GALNT17: variants seen among roughly 807,000 people sequenced by gnomAD.
GALNT17 encodes UDP-GalNAc:polypeptide N-acetylgalactosaminyltransferase-like 3.
A neutral mutation model predicts 63.7 loss-of-function variants in GALNT17; 29 were observed. The observed-to-expected ratio is 0.46, with a 90% confidence interval of 0.34 to 0.62. The LOEUF is 0.62. GALNT17 is among the 20% of genes least tolerant of loss of function. The pLI, the probability that GALNT17 is intolerant of heterozygous loss-of-function variation, is 0.01. For missense variants in GALNT17, 603 were observed against 799.6 expected, an observed-to-expected ratio of 0.75 and a Z score of 2.97; for synonymous variants, 305 against 318.3, an observed-to-expected ratio of 0.96 and a Z score of 0.45.
At chr7:71,617,578 C>T (rs965668501) in intron 6 of GALNT17, among the ~76,000 whole-genome samples, 5 of 151,846 alleles carry the variant, frequency 3.3e-5, no homozygotes, top group Admixed American at 6.6e-5. Flanking sequence ...CCTTGGCCTC[C>T]CAAAGTGCCG....
At position 71,670,111 on chromosome 7, in the gene GALNT17, T is replaced by C; in HGVS notation, c.1404+2T>C. On this transcript the variant is annotated splice_donor_variant, in intron 8 of 10. Transcript: ENST00000333538. LOFTEE classifies it high-confidence loss of function. ...AATAATACCGTTGCTTACGGGGAGG[T>C]AATTCAGACCGTGCATGCTTTTGGC... 6.2e-7 allele frequency: 1 copy of C among 1,613,912 alleles called. No homozygotes were observed. Among genetic ancestry groups the C allele is most frequent in the Non-Finnish European group, 8.5e-7 (1 of 1,179,928 alleles).
intron 5 of GALNT17, among the ~76,000 whole-genome samples, chr7:71,542,112 C>G (rs977263065): frequency 5.5e-4 from 84 of 152,096 alleles, no homozygotes; most frequent in African/African-American, 1.8e-3. Context: ...AGGTGAATAA[C>G]CGCAATAGAA....
intron 5 of GALNT17, among the ~76,000 whole-genome samples, chr7:71,421,613 G>A (rs1490064160): frequency 6.6e-6 from 1 of 152,102 alleles, no homozygotes; most frequent in Non-Finnish European, 1.5e-5. Flanking sequence ...TCGGGATATG[G>A]AGATCAATAT....
intron 1 of GALNT17, among the ~76,000 whole-genome samples, chr7:71,221,141 CCCAGCCCTGGAGCCCCTAGT>C (rs761095225): frequency 7.9e-5 from 12 of 152,184 alleles, no homozygotes; most frequent in Admixed American, 3.9e-4. Context: ...TGCCTGGGAC[CCCAGCCCTGGAGCCCCTAGT>C]GGGAGGTACT....
chr7:71,546,998 C>CT (rs1369092370), intron 5 of GALNT17, among the ~76,000 whole-genome samples: 1 of 151,504 alleles, frequency 6.6e-6, no homozygotes, highest in Non-Finnish European at 1.5e-5. Context: ...TTTCTTTTTT[C>CT]TTTTTTTTCT....
chr7:71,132,492 A>C lies in GALNT17; in HGVS notation c.-311A>C, dbSNP rs1787698857. 1 of 300,026 alleles carries C rather than the reference A, an allele frequency of 3.3e-6. No individual in the cohort carries two copies. The highest frequency in any genetic ancestry group is 6.2e-6 in the Non-Finnish European group (1 of 162,368). The allele number at this position is 300,026 out of a possible 1,614,324, so 18.6% of individuals were successfully genotyped here. On this transcript the variant is annotated 5_prime_UTR_variant, in exon 1 of 11. Coordinates refer to ENST00000333538, the MANE Select transcript of GALNT17 (RefSeq NM_022479.3). ...AGAGGCGAACCACTTGCTGGTGCAGAAGAGAAACCCTCAAATCCCTGGCCT... is the reference window on the plus strand; with the variant it reads ...AGAGGCGAACCACTTGCTGGTGCAGCAGAGAAACCCTCAAATCCCTGGCCT...
At chr7:71,580,936 CAG>C (rs1262374556) in intron 6 of GALNT17, among the ~76,000 whole-genome samples, 11 of 152,200 alleles carry the variant, frequency 7.2e-5, no homozygotes, top group South Asian at 2.1e-4. Context: ...GTGTGATAGA[CAG>C]AGAGTGGTTG....
intron 2 of GALNT17, among the ~76,000 whole-genome samples, chr7:71,365,572 A>T (rs914853731): frequency 6.6e-6 from 1 of 151,788 alleles, no homozygotes; most frequent in African/African-American, 2.4e-5. Context: ...TGCATCCATC[A>T]CTCCCTCCAC....
In GALNT17 at chr7:71,518,043, C is replaced by A. The variant is rs190601803; in HGVS notation, c.963-53242C>A. On this transcript the variant is annotated intron_variant, in intron 5 of 10. Transcript: ENST00000333538. ...TGTCCCTGGTCTGGGAACTAGATGC[C>A]ATCCAGGGTGGCTGGAGCAAGTGAG... Among the ~76,000 whole-genome samples, 441 of 152,228 alleles carry A rather than the reference C, an allele frequency of 2.9e-3. 3 individuals are homozygous for A. Among genetic ancestry groups the A allele is most frequent in the Admixed American group, 5.5e-3 (84 of 15,276 alleles).
chr7:71,328,920 T>TAA (rs34545191), intron 1 of GALNT17, among the ~76,000 whole-genome samples: 4 of 151,858 alleles, frequency 2.6e-5, no homozygotes, highest in South Asian at 2.1e-4. Flanking sequence ...TACTGTTTTA[T>TAA]AAAAAAAATT....
intron 5 of GALNT17, among the ~76,000 whole-genome samples, chr7:71,442,905 T>C (rs1429790353): frequency 1.3e-5 from 2 of 152,164 alleles, no homozygotes; most frequent in Admixed American, 6.6e-5. Context: ...ATTTTGGAGT[T>C]TAACTTCCGT....
At chr7:71,146,244 ACTT>A in intron 1 of GALNT17, among the ~76,000 whole-genome samples, 1 of 152,116 alleles carries the variant, frequency 6.6e-6, no homozygotes, top group South Asian at 2.1e-4. Context: ...ACCGCAGCCC[ACTT>A]CTTACTGGGA....
At chr7:71,138,284 G>A (rs1464294759) in intron 1 of GALNT17, among the ~76,000 whole-genome samples, 1 of 151,922 alleles carries the variant, frequency 6.6e-6, no homozygotes, top group Non-Finnish European at 1.5e-5. Context: ...GCTACAGTGA[G>A]CTATGGTTGT....
intron 1 of GALNT17, among the ~76,000 whole-genome samples, chr7:71,295,706 C>T (rs1791066559): frequency 6.6e-6 from 1 of 151,960 alleles, no homozygotes. Context: ...TTAAGCAATC[C>T]TCCTGCCTCA....
chr7:71,148,500 G>C (rs1788065607), intron 1 of GALNT17, among the ~76,000 whole-genome samples: 1 of 152,218 alleles, frequency 6.6e-6, no homozygotes, highest in South Asian at 2.1e-4. Context: ...TAAGTACAGT[G>C]GTAGCAAAAG....
rs1490461685 is a variant in GALNT17, at chr7:71,621,645, G to A, written c.1081-43766G>A. ...TCTTTCTTCTATTTTTGACAACTGT[G>A]ATAAGATCATAACATCCTAGGCTAG... On this transcript the variant is annotated intron_variant, in intron 6 of 10. Transcript: ENST00000333538. Among the ~76,000 whole-genome samples, 5 of 152,204 alleles carry A rather than the reference G, an allele frequency of 3.3e-5. No individual in the cohort carries two copies. In the East Asian group the frequency reaches 9.7e-4, roughly 29 times the overall value.
At chr7:71,555,204 C>A (rs1385558235) in intron 5 of GALNT17, among the ~76,000 whole-genome samples, 1 of 139,164 alleles carries the variant, frequency 7.2e-6, no homozygotes, top group Admixed American at 7.2e-5. Flanking sequence ...GCCCCACCCA[C>A]AACTCTGGTG....
intron 1 of GALNT17, among the ~76,000 whole-genome samples, chr7:71,323,583 T>C (rs1433268613): frequency 6.6e-6 from 1 of 152,198 alleles, no homozygotes; most frequent in Non-Finnish European, 1.5e-5. Flanking sequence ...ATCATCATCA[T>C]AATTCAGTTG....
chr7:71,262,415 C>T (rs994158964), intron 1 of GALNT17, among the ~76,000 whole-genome samples: 4 of 152,084 alleles, frequency 2.6e-5, no homozygotes, highest in African/African-American at 7.2e-5. Flanking sequence ...TGTGCCCAAC[C>T]TGTTTCTTAT....
Sources: allele counts gnomAD v4.1 joint callset (sites outside exome capture counted in the v4.1 genomes callset), GRCh38; gene constraint gnomAD v4.1.1; transcripts MANE v1.5; gene names NCBI Gene and HGNC (gene_info 2026-07-23, HGNC 2026-07-21).